The following ZMYM3 variants were observed in gnomAD, a reference collection of about 807,000 sequenced individuals.
ZMYM3 encodes the protein zinc finger MYM-type containing 3.
In ZMYM3, 6 loss-of-function variants were observed where a neutral mutation model predicts 94.2. The observed-to-expected ratio is 0.06, with a 90% CI of 0.03 to 0.13. The LOEUF is 0.13. Ranked by LOEUF, ZMYM3 falls within the 10% of genes least tolerant of loss-of-function variation. The probability of loss-of-function intolerance (pLI) is 1.00; values close to 1 mark genes in which losing one functional copy is unlikely to be tolerated. For synonymous variants in ZMYM3, 420 were observed against 426.5 expected, an observed-to-expected ratio of 0.98 and a Z score of 0.19; for missense variants, 664 against 1,132.6, an observed-to-expected ratio of 0.59 and a Z score of 5.94.
In ZMYM3 at chrX:71,246,076, G is replaced by T. The variant is rs1427692132; in HGVS notation, c.2595C>A (p.Ile865=). The T allele has an allele frequency of 1.7e-6, 2 of 1,210,614 alleles. No individual in the cohort carries two copies. The highest frequency in any genetic ancestry group is 2.2e-6 in the Non-Finnish European group (2 of 894,921). Residue 865 remains isoleucine (I), a synonymous_variant, in exon 16 of 25, where the codon ATC becomes ATA. Transcript: ENST00000314425. ...SQTEEWKPQV[I]VLPIPVPIFV... is the part of the protein sequence containing the mutation. Reference sequence around the variant, plus strand: ...AGATGGGCACTGGGATGGGCAGCACGATCACCTGTGGCTTCCACTCTTCTG... The same window carrying T: ...AGATGGGCACTGGGATGGGCAGCACTATCACCTGTGGCTTCCACTCTTCTG...
Position 71,240,844 on chromosome X carries a change from G to T in ZMYM3, c.*72C>A. 2 of 1,097,718 alleles carry T rather than the reference G, an allele frequency of 1.8e-6. No individual in the cohort carries two copies. The highest frequency in any genetic ancestry group is 2.5e-6 in the Non-Finnish European group (2 of 803,851). The allele number at this position is 1,097,718 out of a possible 1,213,427, so 90.5% of individuals were successfully genotyped here. Reference sequence around the variant, plus strand: ...CAGAATGAGTAGCATTGGTTCCTGGGCCTGTCACCCTGAGGGACATGGCCA... The same window carrying T: ...CAGAATGAGTAGCATTGGTTCCTGGTCCTGTCACCCTGAGGGACATGGCCA... On this transcript the variant is annotated 3_prime_UTR_variant, in exon 25 of 25. Coordinates refer to ENST00000314425, the MANE Select transcript of ZMYM3 (RefSeq NM_201599.3).
Position 71,248,740 on chromosome X carries a change from C to T in ZMYM3, c.1683G>A (p.Lys561=). The T allele has an allele frequency of 1.7e-6, 2 of 1,208,486 alleles. No homozygotes were observed. The highest frequency in any genetic ancestry group is 2.2e-5 in the Admixed American group (1 of 45,646). ...AGAACTGGTAGACTGTGCGGTCAACCTTGTTGTAGTAACAGGGGTCAGAGA... is the reference window on the plus strand; with the variant it reads ...AGAACTGGTAGACTGTGCGGTCAACTTTGTTGTAGTAACAGGGGTCAGAGA... The part of the protein sequence containing the change: ...RSLSDPCYYN[K]VDRTVYQFCS... Residue 561 remains lysine (K), a synonymous_variant, in exon 9 of 25, where the codon AAG becomes AAA. Coordinates refer to ENST00000314425, the MANE Select transcript of ZMYM3 (RefSeq NM_201599.3).
In ZMYM3 at chrX:71,243,612, T is replaced by C. The variant is rs2030037454; in HGVS notation, c.3432+217A>G. 3 of 410,194 alleles carry C rather than the reference T, an allele frequency of 7.3e-6. No individual in the cohort carries two copies. The Admixed American group carries it at 1.3e-4, about 18-fold the overall frequency. 33.8% of individuals were successfully genotyped at this position (410,194 alleles called of 1,213,427 possible). ...GGGAGTGCAACAGAATAACTGCTTTTTTTTTTCATTAAAAAAATATTTTTT... is the reference window on the plus strand; with the variant it reads ...GGGAGTGCAACAGAATAACTGCTTTCTTTTTTCATTAAAAAAATATTTTTT... On this transcript the variant is annotated intron_variant, in intron 21 of 24. Coordinates refer to ENST00000314425, the MANE Select transcript of ZMYM3 (RefSeq NM_201599.3).
At chrX:71,249,254 G>A in intron 7 of ZMYM3, 85 bp from the exon 8 acceptor site, 5 of 1,176,864 alleles carry the variant, frequency 4.2e-6, no homozygotes, top group African/African-American at 3.5e-5. Context: ...AAATATTTCA[G>A]GCATACAAAA....
chrX:71,247,683 T>C (rs892312004), intron 12 of ZMYM3, 51 bp downstream of exon 12: 2 of 1,179,704 alleles, frequency 1.7e-6, no homozygotes, highest in Non-Finnish European at 2.3e-6. Context: ...CCACAGCCCG[T>C]GCTCCCCACT....
intron 4 of ZMYM3, among the ~76,000 whole-genome samples, chrX:71,250,946 G>A (rs928824022): frequency 2.7e-5 from 3 of 111,255 alleles, no homozygotes; most frequent in East Asian, 2.8e-4. Flanking sequence ...GAGAAGATTC[G>A]GAGACAGAGA....
intron 20 of ZMYM3, 105 bp downstream of exon 20, chrX:71,244,197 C>T (rs1292341668): frequency 9.4e-7 from 1 of 1,062,534 alleles, no homozygotes; most frequent in Non-Finnish European, 1.3e-6. Flanking sequence ...ACACCCTTAT[C>T]ACTTCTAGAC....
intron 6 of ZMYM3, 150 bp from the exon 7 acceptor site, chrX:71,249,829 G>A: frequency 9.3e-7 from 1 of 1,076,729 alleles, no homozygotes; most frequent in Non-Finnish European, 1.2e-6. Context: ...CCGACTTGAT[G>A]GTGAGGTCCT....
At chrX:71,249,423 T>C (rs1037324825) in intron 7 of ZMYM3, 38 bp downstream of exon 7, 3 of 1,166,012 alleles carry the variant, frequency 2.6e-6, no homozygotes, top group Non-Finnish European at 3.4e-6. Flanking sequence ...CCACACCCCC[T>C]TCCACAGCCC....
In ZMYM3 at chrX:71,249,949, C is replaced by T. The variant is rs2030373726; in HGVS notation, c.1251+77G>A. ...CACTCCCCTTTCCACAGGGCCTGGA[C>T]CCTGCAGCCCCAGGATGGGAGGGGC... On this transcript the variant is annotated intron_variant, in intron 6 of 24. Transcript: ENST00000314425. 1.8e-5 allele frequency: 20 copies of T among 1,106,663 alleles called. No individual in the cohort carries two copies. In the South Asian group the frequency reaches 4.1e-4, roughly 23 times the overall value. 91.2% of individuals were successfully genotyped at this position (1,106,663 alleles called of 1,213,427 possible). A position where few individuals can be genotyped will look rare whatever the true frequency, so the allele number is the denominator to read the frequency against.
Position 71,247,505 on chromosome X carries a change from G to C in ZMYM3, c.2154C>G (p.Ala718=). The C allele has an allele frequency of 8.3e-7, 1 of 1,209,020 alleles. No homozygotes were observed. Among genetic ancestry groups the C allele is most frequent in the African/African-American group, 1.7e-5 (1 of 57,930 alleles). The change falls in exon 13 of 25, where the codon GCC becomes GCG. Residue 718 remains alanine, a synonymous_variant. Coordinates refer to ENST00000314425, the MANE Select transcript of ZMYM3 (RefSeq NM_201599.3). The part of the protein sequence containing the change: ...SKYLLWYCKA[A]RCHACKRQGK... ...CCTGGCGCTTACACGCATGGCACCG[G>C]GCAGCCTGAGGATGTCAAAAGGATG...
At chrX:71,246,173 G>A (rs927628664) in intron 15 of ZMYM3, 75 bp from the exon 16 acceptor site, 1 of 1,095,281 alleles carries the variant, frequency 9.1e-7, no homozygotes, top group African/African-American at 1.8e-5. Flanking sequence ...GCTCTAACAT[G>A]CTCAGTGTCA....
intron 7 of ZMYM3, 86 bp from the exon 8 acceptor site, chrX:71,249,255 G>T (rs1469495056): frequency 2.6e-6 from 3 of 1,174,925 alleles, no homozygotes; most frequent in South Asian, 2.0e-5. Flanking sequence ...AATATTTCAG[G>T]CATACAAAAA....
chrX:71,249,903 A>G (rs2030372156), intron 6 of ZMYM3, 123 bp downstream of exon 6: 2 of 1,047,913 alleles, frequency 1.9e-6, no homozygotes, highest in Non-Finnish European at 2.5e-6. Context: ...ACGCTCCCTC[A>G]TGATGGCCGC....
chrX:71,242,610 T>C (rs1693845455), intron 22 of ZMYM3, among the ~76,000 whole-genome samples, 186 bp from the exon 23 acceptor site: 1 of 112,217 alleles, frequency 8.9e-6, no homozygotes, highest in Admixed American at 9.5e-5. Flanking sequence ...TTAAAAAATA[T>C]ATACTTTCCA....
chrX:71,243,316 C>T, intron 21 of ZMYM3, among the ~76,000 whole-genome samples: 1 of 111,177 alleles, frequency 9.0e-6, no homozygotes. Context: ...GAAGCCCACA[C>T]CTCCTTCTCA....
intron 18 of ZMYM3, 97 bp downstream of exon 18, chrX:71,245,242 C>T: frequency 9.3e-7 from 1 of 1,077,959 alleles, no homozygotes; most frequent in Non-Finnish European, 1.2e-6. Context: ...TCACAATGAA[C>T]ACTTTTCAGG....
chrX:71,253,669 A>G (rs1270258515), intron 1 of ZMYM3, among the ~76,000 whole-genome samples: 4 of 66,361 alleles, frequency 6.0e-5, no homozygotes, highest in Non-Finnish European at 8.4e-5. Context: ...CTCAGTTTCT[A>G]TTCCCTCCCC....
chrX:71,252,118 T>G (rs1184788950), intron 2 of ZMYM3, among the ~76,000 whole-genome samples: 1 of 110,961 alleles, frequency 9.0e-6, no homozygotes, highest in Non-Finnish European at 1.9e-5. Flanking sequence ...TCCTAGACCC[T>G]GCATTTCTAT....
Sources: gnomAD v4.1 joint callset for allele counts (sites outside exome capture counted in the v4.1 genomes callset) on GRCh38, gnomAD v4.1.1 for gene constraint, MANE v1.5 for transcripts, NCBI Gene and HGNC (gene_info 2026-07-23, HGNC 2026-07-21) for gene names.